The following USP24 variants were observed in gnomAD, a reference collection of about 807,000 sequenced individuals.
The protein encoded by USP24 is ubiquitin carboxyl-terminal hydrolase 24.
In USP24, 97 loss-of-function variants were observed where a neutral mutation model predicts 361.6. That is an observed-to-expected ratio of 0.27 (90% CI 0.23 to 0.32). The LOEUF (loss-of-function observed/expected upper bound fraction) is 0.32, where lower values mean the gene tolerates loss of function less well. Ranked by LOEUF, USP24 falls within the 10% of genes least tolerant of loss-of-function variation. The probability of loss-of-function intolerance (pLI) is 1.00; values close to 1 mark genes in which losing one functional copy is unlikely to be tolerated. For missense variants in USP24, 2,353 were observed against 3,165.6 expected, an observed-to-expected ratio of 0.74 and a Z score of 6.16; for synonymous variants, 1,098 against 1,124.6, an observed-to-expected ratio of 0.98 and a Z score of 0.47.
chr1:55,095,746 T>C (rs1356726883), intron 50 of USP24, among the ~76,000 whole-genome samples: 2 of 152,214 alleles, frequency 1.3e-5, no homozygotes, highest in Non-Finnish European at 2.9e-5. Context: ...TGGCACAAGA[T>C]GGGATAACTG....
chr1:55,124,555 C>T lies in USP24; in HGVS notation c.4034G>A (p.Arg1345Gln), dbSNP rs368254067. 12 of 1,613,810 alleles carry T rather than the reference C, an allele frequency of 7.4e-6. No homozygotes were observed. The Admixed American group carries it at 1.5e-4, about 20-fold the overall frequency. Residue 1345 changes from arginine (R) to glutamine (Q), a missense_variant, in exon 35 of 68, where the codon CGG (arginine) becomes CAG (glutamine). This residue lies in a region of USP24 where 949 missense variants were observed against 1,280.5 expected (regional missense o/e 0.74). Transcript: ENST00000294383. ...CTGGCTACTCCCAACAAGATCAAGC[C>T]GTCCTGCAGCCGCAGCCCATGACAA... ...MRLSWAAAAGRLDLVGSSQPI... is the reference protein window; with the variant it reads ...MRLSWAAAAGQLDLVGSSQPI...
At chr1:55,073,940 A>C in intron 63 of USP24, 34 bp from the exon 64 acceptor site, 1 of 1,528,846 alleles carries the variant, frequency 6.5e-7, no homozygotes, top group Non-Finnish European at 8.9e-7. Flanking sequence ...TTAACAATAA[A>C]AGACTCAACT....
chr1:55,122,285 C>A (rs1646304021), intron 36 of USP24, among the ~76,000 whole-genome samples: 2 of 152,106 alleles, frequency 1.3e-5, no homozygotes, highest in Non-Finnish European at 2.9e-5. Flanking sequence ...AAAGAGGGAA[C>A]AAACAGCCAG....
intron 1 of USP24, among the ~76,000 whole-genome samples, chr1:55,213,141 TTTC>T (rs1310149230): frequency 6.6e-6 from 1 of 152,232 alleles, no homozygotes; most frequent in Non-Finnish European, 1.5e-5. Flanking sequence ...AAGCAACGGC[TTTC>T]TTCTTGATTT....
intron 38 of USP24, among the ~76,000 whole-genome samples, chr1:55,117,873 A>C (rs1646167523): frequency 6.6e-6 from 1 of 152,178 alleles, no homozygotes; most frequent in African/African-American, 2.4e-5. Context: ...TGAAAAAGAA[A>C]TCAACAATTC....
At chr1:55,188,850 C>G (rs1334715449) in intron 1 of USP24, among the ~76,000 whole-genome samples, 2 of 150,896 alleles carry the variant, frequency 1.3e-5, no homozygotes, top group African/African-American at 4.9e-5. Context: ...ATCCCAGCTA[C>G]TAGGGAGGCT....
At chr1:55,142,538 G>A (rs1646918710) in intron 23 of USP24, among the ~76,000 whole-genome samples, 1 of 152,178 alleles carries the variant, frequency 6.6e-6, no homozygotes, top group South Asian at 2.1e-4. Flanking sequence ...AAGACAGGTG[G>A]TGAGAGGGAG....
intron 53 of USP24, 60 bp downstream of exon 53, chr1:55,092,761 A>G: frequency 8.0e-7 from 1 of 1,244,506 alleles, no homozygotes; most frequent in South Asian, 1.4e-5. Context: ...TGAATGCTTT[A>G]GCTAAAGCAT....
At chr1:55,184,347 A>G (rs1459318306) in intron 1 of USP24, among the ~76,000 whole-genome samples, 2 of 152,168 alleles carry the variant, frequency 1.3e-5, no homozygotes, top group East Asian at 1.9e-4. Flanking sequence ...ACGAGCCACC[A>G]CACCCAGCCA....
intron 1 of USP24, among the ~76,000 whole-genome samples, chr1:55,200,584 T>C (rs1644544038): frequency 6.6e-6 from 1 of 152,226 alleles, no homozygotes; most frequent in Non-Finnish European, 1.5e-5. Flanking sequence ...TCTCAATAGC[T>C]TTACTTCAAA....
At chr1:55,079,774 T>TCACAGAGTACTCACACACTGAGTACTCA (rs1485916589) in intron 59 of USP24, 115 bp from the exon 60 acceptor site, 21 of 1,356,188 alleles carry the variant, frequency 1.5e-5, no homozygotes, top group African/African-American at 4.6e-5. Flanking sequence ...CTGAGTACTC[T>TCACAGAGTACTCACACACTGAGTACTCA]CACAGAGTAC....
chr1:55,206,170 T>C (rs1644697444), intron 1 of USP24, among the ~76,000 whole-genome samples: 1 of 152,230 alleles, frequency 6.6e-6, no homozygotes, highest in Non-Finnish European at 1.5e-5. Context: ...CATCTCTCTA[T>C]CCAATTAAAT....
intron 61 of USP24, 86 bp from the exon 62 acceptor site, chr1:55,077,386 T>C: frequency 1.6e-6 from 2 of 1,256,422 alleles, no homozygotes; most frequent in Non-Finnish European, 2.2e-6. Context: ...GTTCTAGCTC[T>C]ATCACCTTCT....
In USP24 at chr1:55,138,645, A is replaced by G. The variant is rs369035063; in HGVS notation, c.2891T>C (p.Val964Ala). 5 of 1,612,912 alleles carry G rather than the reference A, an allele frequency of 3.1e-6. No individual in the cohort carries two copies. Among genetic ancestry groups the G allele is most frequent in the Non-Finnish European group, 3.4e-6 (4 of 1,179,394 alleles). ...GGTATCTTTGGTAGACTCATAGGTA[A>G]CATTAAGGGTTAAAAGATGTCCATG... Reference protein sequence around the residue: ...SFHGHLLTLNVTYESTKDTFT... With the variant: ...SFHGHLLTLNATYESTKDTFT... The change falls in exon 26 of 68, where the codon GTT becomes GCT. Residue 964 changes from valine (V) to alanine (A), a missense_variant. Physicochemically the swap from Val to Ala is moderately conservative, Grantham distance 64. Coordinates refer to ENST00000294383, the MANE Select transcript of USP24 (RefSeq NM_015306.3).
chr1:55,142,889 G>C (rs1646928781), intron 22 of USP24, 90 bp downstream of exon 22: 1 of 1,421,182 alleles, frequency 7.0e-7, no homozygotes, highest in South Asian at 1.4e-5. Context: ...CCAATTTTTG[G>C]TCATGCCAAG....
intron 66 of USP24, among the ~76,000 whole-genome samples, 168 bp downstream of exon 66, chr1:55,072,149 G>T (rs1012246612): frequency 8.5e-5 from 13 of 152,076 alleles, no homozygotes; most frequent in Non-Finnish European, 1.8e-4. Flanking sequence ...ACAAATTTGT[G>T]TAAGTGTACA....
chr1:55,089,908 T>C (rs927679162), intron 54 of USP24, among the ~76,000 whole-genome samples, 168 bp from the exon 55 acceptor site: 8 of 152,140 alleles, frequency 5.3e-5, no homozygotes, highest in African/African-American at 1.9e-4. Context: ...CCCACTACCA[T>C]GGCTCAGTGT....
chr1:55,166,673 T>A lies in USP24; in HGVS notation c.826-70A>T, dbSNP rs1372494608. The A allele has an allele frequency of 3.7e-6, 5 of 1,368,900 alleles. No individual in the cohort carries two copies. In the East Asian group the frequency reaches 1.2e-4, roughly 34 times the overall value. The allele number at this position is 1,368,900 out of a possible 1,614,324, so 84.8% of individuals were successfully genotyped here. ...TCCCCATTAACCCTTACATTTCTTT[T>A]ATCCTAAATGAAAAGTCAGAAGAAA... On this transcript the variant is annotated intron_variant, in intron 5 of 67. Coordinates refer to ENST00000294383, the MANE Select transcript of USP24 (RefSeq NM_015306.3).
At chr1:55,192,770 G>C (rs1644322632) in intron 1 of USP24, among the ~76,000 whole-genome samples, 1 of 152,196 alleles carries the variant, frequency 6.6e-6, no homozygotes, top group Non-Finnish European at 1.5e-5. Flanking sequence ...CCTGGAAAAA[G>C]AGAAGATGAT....
Sources: gnomAD v4.1 joint callset for allele counts (sites outside exome capture counted in the v4.1 genomes callset) on GRCh38, gnomAD v4.1.1 for gene constraint, gnomAD v4.1.1 regional missense constraint, MANE v1.5 for transcripts, NCBI Gene and HGNC (gene_info 2026-07-23, HGNC 2026-07-21) for gene names.